Variants in GRID1 observed in about 807,000 individuals in gnomAD.
GRID1 encodes the protein glutamate ionotropic receptor delta type subunit 1.
GRID1 carries 28 observed loss-of-function variants against 98.0 expected under a neutral mutation model. That is an observed-to-expected ratio of 0.29 (90% CI 0.21 to 0.39). GRID1 has a LOEUF of 0.39. GRID1 is among the 10% of genes least tolerant of loss of function. The pLI is 1.00. For missense variants in GRID1, 1,111 were observed against 1,340.5 expected, an observed-to-expected ratio of 0.83 and a Z score of 2.67; for synonymous variants, 553 against 538.5, an observed-to-expected ratio of 1.03 and a Z score of -0.37.
chr10:86,184,269 C>A (rs7070830), intron 3 of GRID1, among the ~76,000 whole-genome samples: 44,356 of 151,898 alleles, frequency 0.29, 6,709 homozygotes, highest in East Asian at 0.48. Context: ...TCTGGCTGAT[C>A]AATTTTTTTA....
intron 8 of GRID1, among the ~76,000 whole-genome samples, chr10:85,769,051 C>T (rs1842226985): frequency 6.6e-6 from 1 of 151,972 alleles, no homozygotes. Flanking sequence ...AAGTATTGTA[C>T]TTGTAAACAA....
At chr10:85,695,143 A>T (rs1421414584) in intron 12 of GRID1, among the ~76,000 whole-genome samples, 2 of 152,190 alleles carry the variant, frequency 1.3e-5, no homozygotes, top group African/African-American at 2.4e-5. Context: ...AGCACCTTGA[A>T]TATGTCAACT....
chr10:86,090,022 C>G (rs749494076), intron 4 of GRID1, among the ~76,000 whole-genome samples: 8 of 152,150 alleles, frequency 5.3e-5, no homozygotes, highest in Non-Finnish European at 8.8e-5. Flanking sequence ...GCTGGGATTA[C>G]AGGTGTGAGC....
In GRID1 at chr10:85,901,226, A is replaced by AG. The variant is rs1564622064; in HGVS notation, c.780+14959_780+14960insC. ...TTTATTTATTCATTTATTTTATTTTATTTTATTTATTTATTTATTTATTTA... is the reference window on the plus strand; with the variant it reads ...TTTATTTATTCATTTATTTTATTTTAGTTTTATTTATTTATTTATTTATTTA... On this transcript the variant is annotated intron_variant, in intron 5 of 15. Coordinates refer to ENST00000327946, the MANE Select transcript of GRID1 (RefSeq NM_017551.3). Among the ~76,000 whole-genome samples the AG allele has an allele frequency of 4.0e-3, 543 of 135,714 alleles. 3 individuals carry two copies. Among genetic ancestry groups the AG allele is most frequent in the African/African-American group, 0.015 (526 of 33,994 alleles). 89.0% of individuals were successfully genotyped at this position (135,714 alleles called of 152,430 possible). A position where few individuals can be genotyped will look rare whatever the true frequency, so the allele number is the denominator to read the frequency against.
intron 14 of GRID1, among the ~76,000 whole-genome samples, chr10:85,615,222 A>C (rs2132516296): frequency 6.6e-6 from 1 of 152,334 alleles, no homozygotes; most frequent in South Asian, 2.1e-4. Context: ...GGTCCAGTAC[A>C]GCATGGCCTC....
chr10:85,989,380 G>T (rs1233564853), intron 4 of GRID1, among the ~76,000 whole-genome samples: 2 of 152,076 alleles, frequency 1.3e-5, no homozygotes, highest in Non-Finnish European at 2.9e-5. Flanking sequence ...CCACAGCAGG[G>T]GTCCACCCAC....
chr10:85,638,448 T>G (rs1406914483), intron 13 of GRID1, among the ~76,000 whole-genome samples: 1 of 152,230 alleles, frequency 6.6e-6, no homozygotes, highest in Admixed American at 6.5e-5. Context: ...CTTAAGGAAT[T>G]ATTTTAAAAC....
intron 4 of GRID1, among the ~76,000 whole-genome samples, chr10:85,933,957 C>A (rs1235598230): frequency 6.6e-6 from 1 of 152,204 alleles, no homozygotes; most frequent in African/African-American, 2.4e-5. Context: ...ATGTACAGAA[C>A]AGGAGATCTG....
chr10:85,991,244 T>C (rs10788475), intron 4 of GRID1, among the ~76,000 whole-genome samples: 108,775 of 151,904 alleles, frequency 0.72, 39,413 homozygotes, highest in South Asian at 0.85. Flanking sequence ...GGGGGAGATG[T>C]GGATGATTTC....
intron 4 of GRID1, among the ~76,000 whole-genome samples, chr10:85,993,039 T>G (rs1272766627): frequency 6.6e-6 from 1 of 151,926 alleles, no homozygotes; most frequent in Non-Finnish European, 1.5e-5. Flanking sequence ...TTGCAGGAGA[T>G]AAAGAAGATA....
At chr10:86,335,114 C>A (rs1290514291) in intron 2 of GRID1, among the ~76,000 whole-genome samples, 1 of 152,244 alleles carries the variant, frequency 6.6e-6, no homozygotes, top group Non-Finnish European at 1.5e-5. Flanking sequence ...CTCACTTAGA[C>A]TTTCATTGCT....
At chr10:86,076,306 G>T (rs1843879535) in intron 4 of GRID1, among the ~76,000 whole-genome samples, 1 of 152,198 alleles carries the variant, frequency 6.6e-6, no homozygotes, top group African/African-American at 2.4e-5. Context: ...TTTAAAGAAA[G>T]AAACAGTAAG....
rs541182611 is a variant in GRID1, at chr10:86,304,711, C to T, written c.235+59230G>A. Among the ~76,000 whole-genome samples, 14 of 152,324 alleles carry T rather than the reference C, an allele frequency of 9.2e-5. No homozygotes were observed. In the South Asian group the frequency reaches 1.0e-3, roughly 11 times the overall value. ...CAACACTCCTGTAAGATATGAGCTACGATCTCCATTTTACAGATGGAAAAA... is the reference window on the plus strand; with the variant it reads ...CAACACTCCTGTAAGATATGAGCTATGATCTCCATTTTACAGATGGAAAAA... On this transcript the variant is annotated intron_variant, in intron 2 of 15. Transcript: ENST00000327946.
At chr10:85,922,117 C>T (rs979093867) in intron 4 of GRID1, among the ~76,000 whole-genome samples, 6 of 152,308 alleles carry the variant, frequency 3.9e-5, no homozygotes, top group Middle Eastern at 3.4e-3. Flanking sequence ...TCATGCTGCT[C>T]TCTGAAAGCC....
intron 3 of GRID1, among the ~76,000 whole-genome samples, chr10:86,140,760 G>A (rs1204369470): frequency 6.6e-6 from 1 of 152,184 alleles, no homozygotes; most frequent in African/African-American, 2.4e-5. Flanking sequence ...AGCCTGAGGG[G>A]CTGTCTGTAA....
intron 3 of GRID1, among the ~76,000 whole-genome samples, chr10:86,150,361 A>G (rs1348653009): frequency 6.6e-6 from 1 of 152,180 alleles, no homozygotes; most frequent in Middle Eastern, 3.2e-3. Context: ...AGATGAAAAA[A>G]CTGAAGGCCA....
intron 4 of GRID1, among the ~76,000 whole-genome samples, chr10:86,033,951 T>C (rs1843220734): frequency 6.6e-6 from 1 of 152,196 alleles, no homozygotes; most frequent in Non-Finnish European, 1.5e-5. Context: ...GCTGCCCCTA[T>C]GGAAACTGAG....
chr10:86,196,292 G>C (rs1034821352), intron 3 of GRID1, among the ~76,000 whole-genome samples: 4 of 152,020 alleles, frequency 2.6e-5, no homozygotes, highest in Admixed American at 2.6e-4. Flanking sequence ...AGCACAGTTT[G>C]TTCAGCGCTT....
intron 12 of GRID1, among the ~76,000 whole-genome samples, chr10:85,710,939 A>C (rs191110095): frequency 6.8e-4 from 103 of 152,126 alleles, no homozygotes; most frequent in African/African-American, 2.2e-3. Flanking sequence ...ATGGCTATTT[A>C]AAAAAACAGA....
Sources: gnomAD v4.1 joint callset for allele counts (sites outside exome capture counted in the v4.1 genomes callset) on GRCh38, gnomAD v4.1.1 for gene constraint, MANE v1.5 for transcripts, NCBI Gene and HGNC (gene_info 2026-07-23, HGNC 2026-07-21) for gene names.